The following EIF3K variants were observed in gnomAD, a reference collection of about 807,000 sequenced individuals.
The protein encoded by EIF3K is eukaryotic translation initiation factor 3 subunit K.
A neutral mutation model predicts 34.2 loss-of-function variants in EIF3K; 27 were observed. The ratio of observed to expected loss-of-function variants is 0.79; its 90% confidence interval spans 0.58 to 1.09. The LOEUF is 1.09. Ranked by LOEUF, EIF3K falls within the 50% of genes least tolerant of loss-of-function variation. The probability of loss-of-function intolerance (pLI) is 0.00; values close to 1 mark genes in which losing one functional copy is unlikely to be tolerated. For missense variants in EIF3K, 232 were observed against 275.4 expected (o/e 0.84, Z 1.11); for synonymous variants, 105 against 105.7 (o/e 0.99, Z 0.04).
intron 3 of EIF3K, among the ~76,000 whole-genome samples, chr19:38,625,382 T>C (rs565194466): frequency 7.2e-5 from 11 of 152,134 alleles, no homozygotes; most frequent in African/African-American, 2.7e-4. Context: ...GCCAGGCTGC[T>C]CTCGAACTCC....
At chr19:38,623,525 G>C (rs949912501) in intron 2 of EIF3K, among the ~76,000 whole-genome samples, 2 of 151,708 alleles carry the variant, frequency 1.3e-5, no homozygotes, top group Middle Eastern at 3.4e-3. Context: ...GGCTGGTCTC[G>C]AACTCCTGAT....
chr19:38,634,870 G>A, intron 6 of EIF3K, 123 bp from the exon 7 acceptor site: 1 of 1,407,764 alleles, frequency 7.1e-7, no homozygotes, highest in Non-Finnish European at 9.6e-7. Flanking sequence ...CTGCTGTCCA[G>A]GAGATGTCAG....
chr19:38,620,458 A>G (rs1245008890), intron 2 of EIF3K, 23 bp downstream of exon 2: 3 of 1,605,524 alleles, frequency 1.9e-6, no homozygotes, highest in Admixed American at 3.4e-5. Context: ...CTCTCTGTCT[A>G]CACTCCCATT....
At position 38,630,003 on chromosome 19, in the gene EIF3K, G is replaced by T. The variant is rs187273248; in HGVS notation, c.355-2427G>T. Among the ~76,000 whole-genome samples the T allele has an allele frequency of 3.7e-3, 559 of 152,288 alleles. 3 individuals are homozygous for T. Among genetic ancestry groups the T allele is most frequent in the Non-Finnish European group, 4.8e-3 (325 of 68,016 alleles). ...CCCCTTTCTCAGGGCTCTGGTTTCTGCCTGCCAGGTTCAAGCCTCACCTCC... is the reference window on the plus strand; with the variant it reads ...CCCCTTTCTCAGGGCTCTGGTTTCTTCCTGCCAGGTTCAAGCCTCACCTCC... On this transcript the variant is annotated intron_variant, in intron 4 of 7. Transcript: ENST00000248342.
intron 6 of EIF3K, 140 bp from the exon 7 acceptor site, chr19:38,634,853 C>G: frequency 8.1e-7 from 1 of 1,240,092 alleles, no homozygotes; most frequent in Non-Finnish European, 1.1e-6. Flanking sequence ...GGAGACCAGG[C>G]CAGCTGCTGC....
intron 4 of EIF3K, among the ~76,000 whole-genome samples, chr19:38,630,351 T>A (rs2431643): frequency 0.12 from 17,179 of 144,346 alleles, 1,478 homozygotes; most frequent in African/African-American, 0.25. Flanking sequence ...TTATTTATTT[T>A]TTTTTTTTTT....
chr19:38,628,211 G>T (rs1975988286), intron 4 of EIF3K, among the ~76,000 whole-genome samples: 1 of 152,098 alleles, frequency 6.6e-6, no homozygotes, highest in Non-Finnish European at 1.5e-5. Flanking sequence ...GACCTCTGAG[G>T]CATTTTTAAA....
chr19:38,632,534 G>A, intron 5 of EIF3K, 38 bp downstream of exon 5: 1 of 1,613,838 alleles, frequency 6.2e-7, no homozygotes, highest in Non-Finnish European at 8.5e-7. Context: ...CCAAGGGGAA[G>A]GGGTAGGGAG....
intron 7 of EIF3K, among the ~76,000 whole-genome samples, chr19:38,636,275 G>T (rs1206069753): frequency 6.6e-6 from 1 of 152,178 alleles, no homozygotes; most frequent in Non-Finnish European, 1.5e-5. Flanking sequence ...GGAAGTAGGA[G>T]CCCAGCCCTG....
At chr19:38,621,894 C>CTTCG (rs1975848386) in intron 2 of EIF3K, among the ~76,000 whole-genome samples, 1 of 138,768 alleles carries the variant, frequency 7.2e-6, no homozygotes, top group African/African-American at 2.7e-5. Context: ...ATTGTGGGTT[C>CTTCG]TTCGTGCCCT....
intron 7 of EIF3K, among the ~76,000 whole-genome samples, chr19:38,636,071 A>G (rs1451218793): frequency 6.6e-6 from 1 of 152,216 alleles, no homozygotes; most frequent in Non-Finnish European, 1.5e-5. Flanking sequence ...TCTCACCTCT[A>G]AACGCCGCGT....
intron 4 of EIF3K, 25 bp from the exon 5 acceptor site, chr19:38,632,405 T>C (rs750924150): frequency 3.1e-6 from 5 of 1,602,566 alleles, no homozygotes; most frequent in Admixed American, 1.7e-5. Flanking sequence ...AGAATAAACA[T>C]TGTGAACATC....
chr19:38,626,134 A>T (rs759227222), intron 4 of EIF3K, 32 bp downstream of exon 4: 2 of 1,600,670 alleles, frequency 1.2e-6, no homozygotes, highest in East Asian at 2.2e-5. Context: ...GGCAGGGGAG[A>T]TGGCAGGGCC....
chr19:38,632,482 ACT>A lies in EIF3K; in HGVS notation c.410_411del (p.Ser137CysfsTer17), dbSNP rs746337773. ...TTGGAAGGTATAACTGGCTTTGAAG[ACT>A]CTGTCCGAAAGTGTAAGTCCCTCTC... On this transcript the variant is annotated frameshift_variant, in exon 5 of 8. Coordinates refer to ENST00000248342, the MANE Select transcript of EIF3K (RefSeq NM_013234.4). LOFTEE classifies it high-confidence loss of function. 4.3e-5 allele frequency: 70 copies of A among 1,613,992 alleles called. No homozygotes were observed. In the South Asian group the frequency reaches 5.6e-4, roughly 13 times the overall value.
chr19:38,635,423 C>T lies in EIF3K; in HGVS notation c.625+305C>T. 7.0e-6 allele frequency: 3 copies of T among 427,682 alleles called. No homozygotes were observed. In the East Asian group the frequency reaches 1.0e-4, roughly 14 times the overall value. The allele number at this position is 427,682 out of a possible 1,614,324, so 26.5% of individuals were successfully genotyped here. A position where few individuals can be genotyped will look rare whatever the true frequency, so the allele number is the denominator to read the frequency against. On this transcript the variant is annotated intron_variant, in intron 7 of 7. Coordinates refer to ENST00000248342, the MANE Select transcript of EIF3K (RefSeq NM_013234.4). ...ACCCTTATTTGTCCCTGAGGCCTGT[C>T]TCGTTGGCCATCTTTTATTCTTGGG...
At position 38,636,951 on chromosome 19, in the gene EIF3K, C is replaced by T; in HGVS notation, c.*31C>T. The T allele has an allele frequency of 1.2e-6, 2 of 1,613,876 alleles. No individual in the cohort carries two copies. The highest frequency in any genetic ancestry group is 1.7e-6 in the Non-Finnish European group (2 of 1,179,790). On this transcript the variant is annotated 3_prime_UTR_variant, in exon 8 of 8. Coordinates refer to ENST00000248342, the MANE Select transcript of EIF3K (RefSeq NM_013234.4). ...GGTGTTTAATAAAGATGTGTTGACT[C>T]AGCCCTACTGTCTCCTCCCTGGCTT...
intron 2 of EIF3K, among the ~76,000 whole-genome samples, chr19:38,621,903 CTT>C (rs914363057): frequency 3.6e-5 from 4 of 111,472 alleles, no homozygotes; most frequent in East Asian, 2.3e-4. Context: ...TCTTCGTGCC[CTT>C]TTTTTTTTTT....
intron 4 of EIF3K, among the ~76,000 whole-genome samples, chr19:38,631,179 C>T (rs549878805): frequency 4.6e-5 from 7 of 152,202 alleles, no homozygotes; most frequent in East Asian, 3.9e-4. Flanking sequence ...GAGTGTTTCT[C>T]GTTAGGTGGA....
intron 6 of EIF3K, 115 bp from the exon 7 acceptor site, chr19:38,634,878 C>CA: frequency 5.5e-6 from 8 of 1,459,518 alleles, no homozygotes; most frequent in Non-Finnish European, 7.4e-6. Flanking sequence ...CAGGAGATGT[C>CA]AGTGGGCAAG....
Sources: gnomAD v4.1 joint callset for allele counts (sites outside exome capture counted in the v4.1 genomes callset) on GRCh38, gnomAD v4.1.1 for gene constraint, MANE v1.5 for transcripts, NCBI Gene and HGNC (gene_info 2026-07-23, HGNC 2026-07-21) for gene names.